ZNF704: variants seen among roughly 807,000 people sequenced by gnomAD.
ZNF704 encodes the protein zinc finger protein 704.
A neutral mutation model predicts 44.7 loss-of-function variants in ZNF704; 10 were observed. The observed-to-expected ratio is 0.22, with a 90% CI of 0.14 to 0.38. The LOEUF is 0.38. ZNF704 is among the 10% of genes least tolerant of loss of function. The pLI, the probability that ZNF704 is intolerant of heterozygous loss-of-function variation, is 1.00. For synonymous variants in ZNF704, 211 were observed against 207.6 expected (o/e 1.02, Z -0.14); for missense variants, 390 against 545.5 (o/e 0.71, Z 2.84).
intron 4 of ZNF704, among the ~76,000 whole-genome samples, chr8:80,681,096 C>T (rs867605250): frequency 2.0e-5 from 3 of 151,968 alleles, no homozygotes; most frequent in Non-Finnish European, 4.4e-5. Context: ...GGTTATAATG[C>T]AATTTGTTTA....
At chr8:80,854,611 CT>C (rs1490673510) in intron 1 of ZNF704, among the ~76,000 whole-genome samples, 1 of 152,108 alleles carries the variant, frequency 6.6e-6, no homozygotes, top group African/African-American at 2.4e-5. Flanking sequence ...AAGTTTCTAC[CT>C]GAACCTAGCC....
intron 4 of ZNF704, among the ~76,000 whole-genome samples, chr8:80,684,958 T>C (rs1818510603): frequency 6.6e-6 from 1 of 152,122 alleles, no homozygotes; most frequent in Admixed American, 6.6e-5. Flanking sequence ...GTAAAATCCA[T>C]GCATTAAACA....
At chr8:80,834,526 G>GT (rs1808525735) in intron 1 of ZNF704, among the ~76,000 whole-genome samples, 1 of 148,124 alleles carries the variant, frequency 6.8e-6, no homozygotes, top group Admixed American at 6.7e-5. Context: ...GTTTGTTTTT[G>GT]TTTTTTACTT....
At chr8:80,679,978 G>A (rs1245954572) in intron 4 of ZNF704, among the ~76,000 whole-genome samples, 1 of 152,112 alleles carries the variant, frequency 6.6e-6, no homozygotes, top group Non-Finnish European at 1.5e-5. Flanking sequence ...ACTTCCTTGG[G>A]TCTATTGGCT....
At chr8:80,817,442 T>C (rs1461810275) in intron 2 of ZNF704, among the ~76,000 whole-genome samples, 1 of 152,102 alleles carries the variant, frequency 6.6e-6, no homozygotes, top group Non-Finnish European at 1.5e-5. Flanking sequence ...CCCTCCAACT[T>C]TCCTGCCCTC....
chr8:80,754,398 C>T (rs1234960759), intron 2 of ZNF704, among the ~76,000 whole-genome samples: 1 of 152,068 alleles, frequency 6.6e-6, no homozygotes, highest in East Asian at 1.9e-4. Flanking sequence ...AGCCATTTTC[C>T]CCTGCTAAAA....
chr8:80,677,030 A>G (rs965323999), intron 4 of ZNF704, among the ~76,000 whole-genome samples: 2 of 152,158 alleles, frequency 1.3e-5, no homozygotes, highest in Non-Finnish European at 2.9e-5. Flanking sequence ...ATAAGATACT[A>G]TTTCCATATT....
At chr8:80,795,959 T>C (rs768855816) in intron 2 of ZNF704, among the ~76,000 whole-genome samples, 3 of 152,168 alleles carry the variant, frequency 2.0e-5, no homozygotes, top group Non-Finnish European at 2.9e-5. Flanking sequence ...CTGATGATAC[T>C]AATCACTTAT....
chr8:80,664,752 C>T, intron 6 of ZNF704, 63 bp downstream of exon 6: 1 of 1,597,060 alleles, frequency 6.3e-7, no homozygotes. Flanking sequence ...TACTCATAGG[C>T]CAGATGGCCC....
At chr8:80,738,758 C>T (rs925494666) in intron 2 of ZNF704, among the ~76,000 whole-genome samples, 2 of 152,184 alleles carry the variant, frequency 1.3e-5, no homozygotes, top group African/African-American at 2.4e-5. Flanking sequence ...ACATATACTT[C>T]TGTCTCCCCT....
chr8:80,703,567 A>C, intron 2 of ZNF704, among the ~76,000 whole-genome samples: 1 of 152,152 alleles, frequency 6.6e-6, no homozygotes, highest in Admixed American at 6.5e-5. Flanking sequence ...TTCCACCTGC[A>C]GGGCTCAAAT....
intron 2 of ZNF704, among the ~76,000 whole-genome samples, chr8:80,753,948 G>A (rs1176426311): frequency 6.6e-6 from 1 of 152,068 alleles, no homozygotes; most frequent in Non-Finnish European, 1.5e-5. Flanking sequence ...GGGAATTTCA[G>A]GGCTCTTCAC....
chr8:80,729,879 TG>T (rs1806548321), intron 2 of ZNF704, among the ~76,000 whole-genome samples: 1 of 152,208 alleles, frequency 6.6e-6, no homozygotes, highest in Admixed American at 6.5e-5. Context: ...GTTTGATTAC[TG>T]CCGGAACCCC....
At chr8:80,778,630 T>C (rs539178612) in intron 2 of ZNF704, among the ~76,000 whole-genome samples, 1 of 152,170 alleles carries the variant, frequency 6.6e-6, no homozygotes, top group African/African-American at 2.4e-5. Flanking sequence ...CGGTAGACTG[T>C]ATAAAGAAAA....
At chr8:80,854,884 T>C (rs1262040546) in intron 1 of ZNF704, among the ~76,000 whole-genome samples, 1 of 152,232 alleles carries the variant, frequency 6.6e-6, no homozygotes, top group Non-Finnish European at 1.5e-5. Context: ...TTTTTAAATT[T>C]CTGTGGGTAC....
intron 2 of ZNF704, among the ~76,000 whole-genome samples, chr8:80,807,896 T>A (rs1359160453): frequency 1.3e-5 from 2 of 152,230 alleles, no homozygotes; most frequent in African/African-American, 4.8e-5. Flanking sequence ...CTGTTAAGCA[T>A]CTTTCTAGTT....
intron 2 of ZNF704, among the ~76,000 whole-genome samples, chr8:80,712,206 C>T (rs925971028): frequency 6.6e-6 from 1 of 152,190 alleles, no homozygotes; most frequent in African/African-American, 2.4e-5. Context: ...CTACTACCTC[C>T]CTCTCTTGTG....
intron 1 of ZNF704, among the ~76,000 whole-genome samples, chr8:80,873,823 G>A (rs1271782185): frequency 2.0e-5 from 3 of 148,150 alleles, no homozygotes; most frequent in Non-Finnish European, 4.5e-5. Flanking sequence ...CGGCGGCCCC[G>A]GTGGCCCGAG....
chr8:80,873,430 G>T (rs556320079), intron 1 of ZNF704: 2 of 152,276 alleles, frequency 1.3e-5, no homozygotes, highest in South Asian at 4.1e-4. Context: ...TCCTGGCCGG[G>T]TCTCTCCCCG....
Sources: allele counts gnomAD v4.1 joint callset (sites outside exome capture counted in the v4.1 genomes callset), GRCh38; gene constraint gnomAD v4.1.1; transcripts MANE v1.5; gene names NCBI Gene and HGNC (gene_info 2026-07-23, HGNC 2026-07-21).